Variants in DPP6 observed in about 807,000 individuals in gnomAD.
DPP6 encodes the protein dipeptidyl peptidase like 6.
In DPP6, 69 loss-of-function variants were observed where a neutral mutation model predicts 122.6. The observed-to-expected ratio is 0.56, with a 90% CI of 0.46 to 0.69. The LOEUF (loss-of-function observed/expected upper bound fraction) is 0.69. Among genes scored for constraint, DPP6 ranks in the 30% least tolerant of loss-of-function variants. The pLI, the probability that DPP6 is intolerant of heterozygous loss-of-function variation, is 0.00. For synonymous variants in DPP6, 418 were observed against 433.1 expected (o/e 0.97, Z 0.43); for missense variants, 928 against 1,116.9 (o/e 0.83, Z 2.41).
chr7:154,312,541 A>C (rs1022896838), intron 1 of DPP6, among the ~76,000 whole-genome samples: 5 of 152,230 alleles, frequency 3.3e-5, no homozygotes, highest in African/African-American at 1.2e-4. Context: ...CACGAGACTC[A>C]AGCGTCACCT....
At chr7:153,829,562 AG>A in the DPP6 span, among the ~76,000 whole-genome samples, 1 of 152,208 alleles carries the variant, frequency 6.6e-6, no homozygotes, top group Admixed American at 6.5e-5. Context: ...TGGCACTTTA[AG>A]ATTTCTGTCC....
chr7:154,197,137 C>T (rs900385808), intron 1 of DPP6, among the ~76,000 whole-genome samples: 2 of 151,834 alleles, frequency 1.3e-5, no homozygotes, highest in Admixed American at 1.3e-4. Flanking sequence ...TATATTTCTG[C>T]CACCCACGGC....
chr7:154,518,858 A>C (rs1826746314), intron 3 of DPP6, among the ~76,000 whole-genome samples: 1 of 152,126 alleles, frequency 6.6e-6, no homozygotes, highest in African/African-American at 2.4e-5. Flanking sequence ...TTCAGATGGG[A>C]GTATCAAGGC....
chr7:154,059,226 G>T (rs553301264), intron 1 of DPP6: 1 of 147,940 alleles, frequency 6.8e-6, no homozygotes, highest in East Asian at 2.0e-4. Context: ...GGGACTGAGA[G>T]CCTGCCCCTG....
At position 154,241,697 on chromosome 7, in the gene DPP6, T is replaced by C. The variant is rs560258542; in HGVS notation, c.243+188634T>C. 1.3e-5 allele frequency among the ~76,000 whole-genome samples: 2 copies of C among 152,310 alleles called. No individual in the cohort carries two copies. The highest frequency in any genetic ancestry group is 4.8e-5 in the African/African-American group (2 of 41,564). The stretch of plus-strand genomic sequence containing the variant: ...TCAATATCATACAAACCGGCACTTA[T>C]CACATCTTGAAATTTCCCGAAGCTA... On this transcript the variant is annotated intron_variant, in intron 1 of 25. Coordinates refer to ENST00000377770, the MANE Select transcript of DPP6 (RefSeq NM_130797.4). The surrounding 1 kb of genome is among the most constrained non-coding windows in gnomAD (Gnocchi z 9.0).
chr7:154,389,783 C>A (rs533321329), intron 1 of DPP6, among the ~76,000 whole-genome samples: 2 of 152,158 alleles, frequency 1.3e-5, no homozygotes, highest in South Asian at 4.1e-4. Flanking sequence ...AAAACTCACA[C>A]GATAACTTTC....
intron 1 of DPP6, among the ~76,000 whole-genome samples, chr7:154,081,067 T>G (rs1467723668): frequency 6.6e-6 from 1 of 152,032 alleles, no homozygotes; most frequent in Non-Finnish European, 1.5e-5. Context: ...GAGCTATGGC[T>G]TAGGGTATTA....
At chr7:154,753,294 G>A (rs758787636) in intron 8 of DPP6, among the ~76,000 whole-genome samples, 13 of 151,984 alleles carry the variant, frequency 8.6e-5, no homozygotes, top group Non-Finnish European at 1.8e-4. Context: ...AAGGGTGCCC[G>A]GTGACCCTTC....
intron 6 of DPP6, among the ~76,000 whole-genome samples, chr7:154,660,613 C>CGT (rs1837592391): frequency 2.2e-5 from 3 of 134,254 alleles, no homozygotes; most frequent in East Asian, 2.3e-4. Flanking sequence ...ATCACCATGG[C>CGT]ATATTGGCCG....
rs200833505 is a variant in DPP6, at chr7:154,682,989, G to GT, written c.762+13554dup. Among the ~76,000 whole-genome samples, 1,180 of 151,862 alleles carry GT rather than the reference G, an allele frequency of 7.8e-3. 17 individuals are homozygous for GT. Among genetic ancestry groups the GT allele is most frequent in the African/African-American group, 0.027 (1,117 of 41,378 alleles). ...CATTTTTTTGTTGTTGTTTTGTTTT[G>GT]TTTTTTGTGTAATAGCTCACATCTA... On this transcript the variant is annotated intron_variant, in intron 7 of 25. Transcript: ENST00000377770.
In DPP6 at chr7:154,624,817, C is replaced by T. The variant is rs939785455; in HGVS notation, c.628-13004C>T. Among the ~76,000 whole-genome samples, 1 of 152,214 alleles carries T rather than the reference C, an allele frequency of 6.6e-6. No homozygotes were observed. Among genetic ancestry groups the T allele is most frequent in the East Asian group, 1.9e-4 (1 of 5,194 alleles). ...TACCAGTAGTGATGGGTGAGAAACACTGGCTATGCTAACAGAAGCAGGCAC... is the reference window on the plus strand; with the variant it reads ...TACCAGTAGTGATGGGTGAGAAACATTGGCTATGCTAACAGAAGCAGGCAC... On this transcript the variant is annotated intron_variant, in intron 5 of 25. Coordinates refer to ENST00000377770, the MANE Select transcript of DPP6 (RefSeq NM_130797.4). The surrounding 1 kb of genome is among the most constrained non-coding windows in gnomAD (Gnocchi z 4.7).
chr7:154,293,708 T>C (rs1294062789), intron 1 of DPP6, among the ~76,000 whole-genome samples: 2 of 152,228 alleles, frequency 1.3e-5, no homozygotes, highest in African/African-American at 4.8e-5. Flanking sequence ...TGTGAGGTTC[T>C]ATGAGAAGCT....
intron 1 of DPP6, among the ~76,000 whole-genome samples, chr7:154,406,462 T>TGCACAC (rs775755502): frequency 1.4e-5 from 2 of 143,178 alleles, no homozygotes; most frequent in East Asian, 2.0e-4. Context: ...CACATGCACA[T>TGCACAC]GCACACGCAC....
At chr7:154,382,409 T>C (rs1339860419) in intron 1 of DPP6, among the ~76,000 whole-genome samples, 2 of 152,182 alleles carry the variant, frequency 1.3e-5, no homozygotes, top group African/African-American at 2.4e-5. Flanking sequence ...GTGCAAACTT[T>C]AGAACTTGTT....
intron 1 of DPP6, among the ~76,000 whole-genome samples, chr7:154,277,723 G>A (rs1804231818): frequency 6.6e-6 from 1 of 152,182 alleles, no homozygotes; most frequent in South Asian, 2.1e-4. Context: ...CAGGATCACA[G>A]CACTGTGCTC....
At chr7:154,386,827 G>A (rs1814154649) in intron 1 of DPP6, among the ~76,000 whole-genome samples, 1 of 152,176 alleles carries the variant, frequency 6.6e-6, no homozygotes, top group Admixed American at 6.5e-5. Context: ...ACTGGTTGAA[G>A]CCACTTCTCA....
the DPP6 span, among the ~76,000 whole-genome samples, chr7:153,760,818 C>A: frequency 1.3e-5 from 2 of 152,122 alleles, no homozygotes; most frequent in African/African-American, 4.8e-5. Context: ...CCAGGTTATT[C>A]TTTCCCCAAC....
chr7:154,103,071 C>T (rs1379232397), intron 1 of DPP6, among the ~76,000 whole-genome samples: 5 of 152,072 alleles, frequency 3.3e-5, no homozygotes, highest in Non-Finnish European at 5.9e-5. Flanking sequence ...CATTTAATTA[C>T]TGTCCCCAAT....
the DPP6 span, among the ~76,000 whole-genome samples, chr7:153,871,067 G>T: frequency 6.6e-6 from 1 of 152,174 alleles, no homozygotes; most frequent in Non-Finnish European, 1.5e-5. Flanking sequence ...CCTCCTAGGG[G>T]ATGCCTCCCA....
Sources: gnomAD v4.1 joint callset for allele counts (sites outside exome capture counted in the v4.1 genomes callset) on GRCh38, gnomAD v4.1.1 for gene constraint, Gnocchi (gnomAD v3.1) non-coding constraint, MANE v1.5 for transcripts, NCBI Gene and HGNC (gene_info 2026-07-23, HGNC 2026-07-21) for gene names.